MTAP: variants seen among roughly 807,000 people sequenced by gnomAD.
MTAP encodes S-methyl-5'-thioadenosine phosphorylase.
A neutral mutation model predicts 33.6 loss-of-function variants in MTAP; 33 were observed. The ratio of observed to expected loss-of-function variants is 0.98; its 90% CI spans 0.74 to 1.31. MTAP has a LOEUF of 1.31. MTAP is among the 40% of genes most tolerant of loss of function. The pLI is 0.00. For synonymous variants in MTAP, 148 were observed against 125.7 expected (o/e 1.18, Z -1.19); for missense variants, 367 against 360.0 (o/e 1.02, Z -0.16).
At chr9:21,914,584 C>G (rs1254478357) in intron 1 of MTAP, among the ~76,000 whole-genome samples, 1 of 143,888 alleles carries the variant, frequency 6.9e-6, no homozygotes, top group East Asian at 2.1e-4. Context: ...TGAGCAATGA[C>G]AACTCTTGGC....
At chr9:21,807,219 G>A (rs1824229729) in intron 1 of MTAP, among the ~76,000 whole-genome samples, 1 of 152,106 alleles carries the variant, frequency 6.6e-6, no homozygotes, top group African/African-American at 2.4e-5. Context: ...TGACAAGGAG[G>A]GGATATGGTC....
intron 1 of MTAP, among the ~76,000 whole-genome samples, chr9:21,805,058 A>G (rs1026283064): frequency 6.6e-6 from 1 of 152,254 alleles, no homozygotes; most frequent in African/African-American, 2.4e-5. Context: ...TATAGGAGGC[A>G]CATGTGTGTC....
At chr9:21,891,925 C>G (rs143143873) in intron 1 of MTAP, among the ~76,000 whole-genome samples, 21 of 152,264 alleles carry the variant, frequency 1.4e-4, no homozygotes, top group Admixed American at 2.6e-4. Context: ...TAACAATGGA[C>G]CTTTCAGCAG....
At chr9:21,816,856 G>C in intron 3 of MTAP, 84 bp downstream of exon 3, 1 of 1,157,218 alleles carries the variant, frequency 8.6e-7, no homozygotes, top group South Asian at 1.5e-5. Context: ...AAAGATACAG[G>C]TCTGAGCTTT....
At chr9:21,939,796 T>C (rs1354236579), downstream of MTAP, among the ~76,000 whole-genome samples, 1 of 152,128 alleles carries the variant, frequency 6.6e-6, no homozygotes, top group East Asian at 1.9e-4. Flanking sequence ...GGCACAAGAA[T>C]TGCTTGAACC....
chr9:21,813,658 C>G (rs566540927), intron 1 of MTAP: 2 of 152,302 alleles, frequency 1.3e-5, no homozygotes, highest in African/African-American at 4.8e-5. Context: ...AGGGAACACC[C>G]AGAAACAGCC....
At position 21,878,822 on chromosome 9, in the gene MTAP, C is replaced by T. The variant is rs1474566363; in HGVS notation, c.147+23952C>T. Among the ~76,000 whole-genome samples, 6 of 152,192 alleles carry T rather than the reference C, an allele frequency of 3.9e-5. No individual in the cohort carries two copies. In the East Asian group the frequency reaches 1.2e-3, roughly 29 times the overall value. On this transcript the variant is annotated intron_variant, in intron 1 of 1. Transcript: ENST00000577563. ...TTAATTTCATTATTTACCCAAAAGT[C>T]ATTCAGGAGCAGGTTGTTTAATTTC...
chr9:21,828,689 G>A (rs1224832672), intron 4 of MTAP, among the ~76,000 whole-genome samples: 1 of 152,038 alleles, frequency 6.6e-6, no homozygotes, highest in African/African-American at 2.4e-5. Flanking sequence ...AAAAAAGAAG[G>A]ATCCCTAAGA....
At chr9:21,884,664 A>G (rs1339836986) in intron 1 of MTAP, among the ~76,000 whole-genome samples, 1 of 152,068 alleles carries the variant, frequency 6.6e-6, no homozygotes, top group African/African-American at 2.4e-5. Flanking sequence ...AGTGAACTCT[A>G]GTTTCTTTCT....
chr9:21,875,908 G>C (rs1015948374), intron 1 of MTAP, among the ~76,000 whole-genome samples: 1 of 152,040 alleles, frequency 6.6e-6, no homozygotes, highest in African/African-American at 2.4e-5. Context: ...GAGATTGCTG[G>C]GTCAAATGGT....
chr9:21,843,067 A>G (rs1194152228), intron 5 of MTAP, among the ~76,000 whole-genome samples: 1 of 152,248 alleles, frequency 6.6e-6, no homozygotes, highest in Non-Finnish European at 1.5e-5. Flanking sequence ...AAAAGGGTGG[A>G]AAAAGATATT....
At chr9:21,849,446 G>A (rs569683767) in intron 5 of MTAP, among the ~76,000 whole-genome samples, 1 of 152,098 alleles carries the variant, frequency 6.6e-6, no homozygotes, top group Non-Finnish European at 1.5e-5. Context: ...ACGTGCAGTG[G>A]GTCTTATGGG....
chr9:21,867,765 T>G (rs1397944990), downstream of MTAP, among the ~76,000 whole-genome samples: 1 of 151,990 alleles, frequency 6.6e-6, no homozygotes, highest in Non-Finnish European at 1.5e-5. Flanking sequence ...CCAAAAAGAT[T>G]GAAAAAGGCT....
chr9:21,864,200 G>C lies in MTAP; in HGVS notation c.*2186G>C. 1 of 985,358 alleles carries C rather than the reference G, an allele frequency of 1.0e-6. No individual in the cohort carries two copies. Among genetic ancestry groups the C allele is most frequent in the East Asian group, 1.1e-4 (1 of 8,810 alleles). The allele number at this position is 985,358 out of a possible 1,614,324, so 61.0% of individuals were successfully genotyped here. ...GCCTTCTCTAGCAACATCATTTTCA[G>C]ACTAACTAAATGAATGCAGTATACT... On this transcript the variant is annotated 3_prime_UTR_variant, in exon 8 of 8. Coordinates refer to ENST00000644715, the MANE Select transcript of MTAP (RefSeq NM_002451.4).
At position 21,862,818 on chromosome 9, in the gene MTAP, T is replaced by C. The variant is rs142144597; in HGVS notation, c.*804T>C. 404 of 407,478 alleles carry C rather than the reference T, an allele frequency of 9.9e-4. 2 individuals carry two copies. Among genetic ancestry groups the C allele is most frequent in the African/African-American group, 6.8e-3 (311 of 45,662 alleles). The allele number at this position is 407,478 out of a possible 1,614,324, so 25.2% of individuals were successfully genotyped here. On this transcript the variant is annotated 3_prime_UTR_variant, in exon 8 of 8. Transcript: ENST00000644715. ...GAAAGAAATATATATAACCTTGTTA[T>C]TGTATTTGGGGGAGGGATACTGGGA... is the stretch of plus-strand genomic sequence containing the variant.
chr9:21,823,839 C>G (rs934396838), intron 4 of MTAP, among the ~76,000 whole-genome samples: 1 of 152,134 alleles, frequency 6.6e-6, no homozygotes, highest in Admixed American at 6.5e-5. Flanking sequence ...CTAAACTTCT[C>G]GCTTCATTTC....
intron 1 of MTAP, among the ~76,000 whole-genome samples, chr9:21,913,125 A>T (rs1470029108): frequency 6.6e-6 from 1 of 152,244 alleles, no homozygotes; most frequent in Non-Finnish European, 1.5e-5. Flanking sequence ...CAACGAAATA[A>T]AAGAGGACAC....
At chr9:21,830,808 A>G (rs1320329802) in intron 4 of MTAP, among the ~76,000 whole-genome samples, 2 of 152,206 alleles carry the variant, frequency 1.3e-5, no homozygotes, top group Non-Finnish European at 2.9e-5. Context: ...TAGAAGCATG[A>G]CTATGCATCA....
At chr9:21,815,359 T>A (rs1824448642) in intron 1 of MTAP, 74 bp from the exon 2 acceptor site, 8 of 1,076,894 alleles carry the variant, frequency 7.4e-6, no homozygotes, top group Non-Finnish European at 1.1e-5. Context: ...TATGAATAAA[T>A]GAATTTGCTT....
Sources: gnomAD v4.1 joint callset for allele counts (sites outside exome capture counted in the v4.1 genomes callset) on GRCh38, gnomAD v4.1.1 for gene constraint, MANE v1.5 for transcripts, NCBI Gene and HGNC (gene_info 2026-07-23, HGNC 2026-07-21) for gene names.